Variants in ARHGEF4 observed in about 807,000 individuals in gnomAD.
ARHGEF4 encodes Rho guanine nucleotide exchange factor 4.
ARHGEF4 carries 119 observed loss-of-function variants against 162.0 expected under a neutral mutation model. The ratio of observed to expected loss-of-function variants is 0.73; its 90% confidence interval spans 0.63 to 0.86. The LOEUF (loss-of-function observed/expected upper bound fraction) is 0.86, where lower values mean the gene tolerates loss of function less well. Among genes scored for constraint, ARHGEF4 ranks in the 40% least tolerant of loss-of-function variants. The probability of loss-of-function intolerance (pLI) is 0.00; values close to 1 mark genes in which losing one functional copy is unlikely to be tolerated. For synonymous variants in ARHGEF4, 1,014 were observed against 979.9 expected, an observed-to-expected ratio of 1.03 and a Z score of -0.65; for missense variants, 2,488 against 2,456.0, an observed-to-expected ratio of 1.01 and a Z score of -0.28.
At chr2:130,949,684 C>T (rs1482627801) in intron 4 of ARHGEF4, among the ~76,000 whole-genome samples, 1 of 152,010 alleles carries the variant, frequency 6.6e-6, no homozygotes, top group African/African-American at 2.4e-5. Flanking sequence ...CTCGCTCTGT[C>T]GCCCAGGCTG....
At chr2:130,877,632 A>G (rs548492782) in intron 1 of ARHGEF4, among the ~76,000 whole-genome samples, 17 of 152,318 alleles carry the variant, frequency 1.1e-4, no homozygotes, top group African/African-American at 3.8e-4. Flanking sequence ...CCTGGGTGAC[A>G]GACCGAGACT....
chr2:131,043,684 C>T, intron 11 of ARHGEF4, 101 bp downstream of exon 11: 1 of 1,559,688 alleles, frequency 6.4e-7, no homozygotes, highest in African/African-American at 1.4e-5. Context: ...CCAGCCAGAC[C>T]ATACCCGGGG....
rs1235396957 is a variant in ARHGEF4, at chr2:130,915,197, C to A, written c.1251C>A (p.Asp417Glu). The A allele has an allele frequency of 1.3e-6, 2 of 1,550,498 alleles. No individual in the cohort carries two copies. Among genetic ancestry groups the A allele is most frequent in the Admixed American group, 2.0e-5 (1 of 50,990 alleles). The stretch of plus-strand genomic sequence containing the variant: ...TTCGCTTGCAAAGGGCCTCTCAGGA[C>A]ACTCCTTCTGCAGGTCTCCTGGGGG... ...GGFRLQRASQ[D>E]TPSAGLLGEN... is the part of the protein sequence containing the mutation. The change falls in exon 2 of 14, where the codon GAC (aspartate) becomes GAA (glutamate). Residue 417 changes from aspartate (D) to glutamate (E), a missense_variant. This residue lies in a region of ARHGEF4 where 1,642 missense variants were observed against 1,481.5 expected (regional missense o/e 1.11). Coordinates refer to ENST00000409359, the MANE Select transcript of ARHGEF4 (RefSeq NM_001367493.1).
intron 4 of ARHGEF4, among the ~76,000 whole-genome samples, chr2:130,977,431 C>A (rs887772919): frequency 6.6e-6 from 1 of 150,522 alleles, no homozygotes; most frequent in Non-Finnish European, 1.5e-5. Context: ...TTTGTGTTTT[C>A]TATGTGGTGT....
intron 1 of ARHGEF4, among the ~76,000 whole-genome samples, chr2:130,908,366 T>C (rs1193316307): frequency 6.6e-6 from 1 of 152,170 alleles, no homozygotes; most frequent in Non-Finnish European, 1.5e-5. Flanking sequence ...GACTGTGGGA[T>C]TTTTCTAGGC....
At chr2:131,016,805 T>G (rs7426107) in intron 4 of ARHGEF4, among the ~76,000 whole-genome samples, 1 of 152,132 alleles carries the variant, frequency 6.6e-6, no homozygotes, top group Admixed American at 6.5e-5. Flanking sequence ...GGACCACACT[T>G]TGAGAACCAC....
At chr2:130,881,921 C>G (rs1003076971) in intron 1 of ARHGEF4, among the ~76,000 whole-genome samples, 5 of 152,006 alleles carry the variant, frequency 3.3e-5, no homozygotes, top group Non-Finnish European at 2.9e-5. Flanking sequence ...AAAACAGGTA[C>G]CCCCTCTCTA....
At chr2:130,974,221 G>A (rs530963049) in intron 4 of ARHGEF4, among the ~76,000 whole-genome samples, 13 of 149,438 alleles carry the variant, frequency 8.7e-5, no homozygotes, top group African/African-American at 3.0e-4. Context: ...ACAGTGAGCC[G>A]AGATCACACC....
chr2:130,844,548 A>T (rs1680818997), intron 1 of ARHGEF4, among the ~76,000 whole-genome samples: 1 of 152,114 alleles, frequency 6.6e-6, no homozygotes, highest in Non-Finnish European at 1.5e-5. Flanking sequence ...TGAACTAAAG[A>T]TTGCCCATGC....
chr2:131,031,025 A>G (rs1260409907), intron 5 of ARHGEF4, among the ~76,000 whole-genome samples: 1 of 152,228 alleles, frequency 6.6e-6, no homozygotes, highest in African/African-American at 2.4e-5. Flanking sequence ...GGTGTCAGAA[A>G]AAAGTCCTTA....
intron 4 of ARHGEF4, among the ~76,000 whole-genome samples, chr2:131,025,664 G>A (rs1228054873): frequency 2.6e-5 from 4 of 152,144 alleles, no homozygotes; most frequent in South Asian, 4.2e-4. Flanking sequence ...TCGACATTAC[G>A]ACATTAACAA....
intron 4 of ARHGEF4, among the ~76,000 whole-genome samples, chr2:130,991,017 A>G (rs1176387694): frequency 6.6e-6 from 1 of 152,230 alleles, no homozygotes; most frequent in Non-Finnish European, 1.5e-5. Context: ...CATTTGAGAA[A>G]GTTATATATC....
intron 3 of ARHGEF4, among the ~76,000 whole-genome samples, chr2:130,933,087 C>T (rs1682729523): frequency 6.6e-6 from 1 of 152,006 alleles, no homozygotes; most frequent in Admixed American, 6.6e-5. Context: ...TGGTAGCACG[C>T]ACCTGTACTC....
At chr2:130,926,810 A>ATATTTTTT (rs1682319175) in intron 2 of ARHGEF4, among the ~76,000 whole-genome samples, 1 of 48,948 alleles carries the variant, frequency 2.0e-5, no homozygotes, top group East Asian at 8.7e-4. Flanking sequence ...CTTCTGGCTG[A>ATATTTTTT]TTTTTTTTTT....
chr2:130,924,170 C>G (rs904134141), intron 2 of ARHGEF4, among the ~76,000 whole-genome samples: 1 of 151,986 alleles, frequency 6.6e-6, no homozygotes. Context: ...CTTGAGCCAC[C>G]GCTCCCGGCC....
At chr2:131,039,593 T>G in intron 6 of ARHGEF4, 1 of 1,041,056 alleles carries the variant, frequency 9.6e-7, no homozygotes, top group Non-Finnish European at 1.2e-6. Context: ...ATGCTCCTCC[T>G]GCCCCAGATC....
Position 131,034,777 on chromosome 2 carries a change from TG to T in ARHGEF4, c.4126-4075del, listed in dbSNP as rs1012394886. ...CTGGCCAGCCCAGGGCCAGGACTGC[TG>T]TGCCGGCGTGGAGATTCCCGACCCT... is the stretch of plus-strand genomic sequence containing the variant. On this transcript the variant is annotated intron_variant, in intron 5 of 13. Transcript: ENST00000409359. Among the ~76,000 whole-genome samples, 39 of 152,256 alleles carry T rather than the reference TG, an allele frequency of 2.6e-4. No individual in the cohort carries two copies. In the East Asian group the frequency reaches 2.9e-3, roughly 11 times the overall value.
intron 1 of ARHGEF4, among the ~76,000 whole-genome samples, chr2:130,870,489 C>T (rs1187924340): frequency 6.6e-6 from 1 of 152,174 alleles, no homozygotes; most frequent in Admixed American, 6.5e-5. Flanking sequence ...CAGCCCTGTT[C>T]CTTCCCTTTG....
chr2:130,847,179 A>G (rs1681042165), intron 1 of ARHGEF4, among the ~76,000 whole-genome samples: 1 of 152,230 alleles, frequency 6.6e-6, no homozygotes, highest in Non-Finnish European at 1.5e-5. Flanking sequence ...TGCACCCTCC[A>G]GAAGCAGGCT....
Sources: gnomAD v4.1 joint callset for allele counts (sites outside exome capture counted in the v4.1 genomes callset) on GRCh38, gnomAD v4.1.1 for gene constraint, gnomAD v4.1.1 regional missense constraint, MANE v1.5 for transcripts, NCBI Gene and HGNC (gene_info 2026-07-23, HGNC 2026-07-21) for gene names.